Variants in MAP3K3 observed in about 807,000 individuals in gnomAD.
MAP3K3 encodes the protein mitogen-activated protein kinase kinase kinase 3.
A neutral mutation model predicts 80.9 loss-of-function variants in MAP3K3; 12 were observed. That is an observed-to-expected ratio of 0.15 (90% CI 0.10 to 0.24). MAP3K3 has a LOEUF of 0.24. Ranked by LOEUF, MAP3K3 falls within the 10% of genes least tolerant of loss-of-function variation. MAP3K3 has a pLI of 1.00. For synonymous variants in MAP3K3, 272 were observed against 307.1 expected (o/e 0.89, Z 1.19); for missense variants, 596 against 834.7 (o/e 0.71, Z 3.52).
intron 2 of MAP3K3, among the ~76,000 whole-genome samples, chr17:63,639,415 A>G (rs959602344): frequency 4.6e-5 from 7 of 152,214 alleles, no homozygotes; most frequent in Non-Finnish European, 8.8e-5. Context: ...AAACAGTGTG[A>G]GATGATCAGG....
intron 2 of MAP3K3, among the ~76,000 whole-genome samples, chr17:63,638,029 GA>G (rs371150816): frequency 2.2e-4 from 33 of 152,284 alleles, no homozygotes; most frequent in African/African-American, 7.9e-4. Context: ...CAGTGTGAAA[GA>G]CCTGGCTCTT....
chr17:63,642,272 C>T (rs1018996336), intron 2 of MAP3K3, among the ~76,000 whole-genome samples: 1 of 152,168 alleles, frequency 6.6e-6, no homozygotes, highest in East Asian at 1.9e-4. Flanking sequence ...TCATGTAGAG[C>T]AGTGCTTAGG....
rs1423775592 is a variant in MAP3K3 at position 63,640,878 on chromosome 17, C to T, written c.127-5156C>T. 2.0e-5 allele frequency among the ~76,000 whole-genome samples: 3 copies of T among 152,166 alleles called. No individual in the cohort carries two copies. In the East Asian group the frequency reaches 5.8e-4, roughly 29 times the overall value. On this transcript the variant is annotated intron_variant, in intron 2 of 15. Transcript: ENST00000361733. The stretch of plus-strand genomic sequence containing the variant: ...CAGAACTAGGGACAAACCCCCCAAA[C>T]TAACTTTTAAGAGGTCCAGGAAATA...
chr17:63,691,697 C>A lies in MAP3K3; in HGVS notation c.1345-36C>A, dbSNP rs774161839. On this transcript the variant is annotated intron_variant, in intron 13 of 15. Coordinates refer to ENST00000361733, the MANE Select transcript of MAP3K3 (RefSeq NM_002401.5). The surrounding 1 kb of genome is among the most constrained non-coding windows in gnomAD (Gnocchi z 4.8). ...GGGCTTGCCCCTCCACCAGCCCTCC[C>A]CTGAGGGGACTCCTCTGACTTCTTG... 1.9e-6 allele frequency: 3 copies of A among 1,604,448 alleles called. No individual in the cohort carries two copies. The South Asian group carries it at 3.3e-5, about 18-fold the overall frequency.
At chr17:63,673,615 C>T (rs2035155183) in intron 6 of MAP3K3, among the ~76,000 whole-genome samples, 1 of 152,146 alleles carries the variant, frequency 6.6e-6, no homozygotes, top group South Asian at 2.1e-4. Context: ...CAAGCCTCAA[C>T]TAAAGGACTT....
At chr17:63,670,616 A>G (rs2035088295) in intron 6 of MAP3K3, among the ~76,000 whole-genome samples, 1 of 151,578 alleles carries the variant, frequency 6.6e-6, no homozygotes, top group South Asian at 2.1e-4. Flanking sequence ...AAAGAAAGAA[A>G]GAAAGAAATG....
chr17:63,624,561 T>C (rs1299018437), intron 1 of MAP3K3, among the ~76,000 whole-genome samples: 1 of 152,172 alleles, frequency 6.6e-6, no homozygotes, highest in Non-Finnish European at 1.5e-5. Context: ...GGAAGGAAAC[T>C]ATATAGGCTG....
At chr17:63,688,969 G>A (rs960453785) in intron 10 of MAP3K3, 88 bp downstream of exon 10, 7 of 905,300 alleles carry the variant, frequency 7.7e-6, no homozygotes, top group Admixed American at 2.0e-5. Flanking sequence ...TGCAGTGCCT[G>A]TATTTTCCTT....
At chr17:63,645,081 T>C (rs1482197644) in intron 2 of MAP3K3, among the ~76,000 whole-genome samples, 1 of 152,262 alleles carries the variant, frequency 6.6e-6, no homozygotes, top group Admixed American at 6.5e-5. Context: ...TTATTTCTCA[T>C]ATTTATACTT....
At chr17:63,679,163 G>T (rs905246505) in intron 6 of MAP3K3, among the ~76,000 whole-genome samples, 6 of 152,302 alleles carry the variant, frequency 3.9e-5, no homozygotes, top group African/African-American at 1.4e-4. Flanking sequence ...CACTTTGGGA[G>T]GCCAAGGCTT....
chr17:63,637,880 G>T (rs796718858), intron 2 of MAP3K3, among the ~76,000 whole-genome samples: 26 of 152,280 alleles, frequency 1.7e-4, no homozygotes, highest in African/African-American at 6.3e-4. Flanking sequence ...TCATGAGTGG[G>T]TGCTTCAGAA....
At chr17:63,677,670 C>T (rs553813257) in intron 6 of MAP3K3, among the ~76,000 whole-genome samples, 9 of 152,162 alleles carry the variant, frequency 5.9e-5, no homozygotes, top group Non-Finnish European at 1.2e-4. Context: ...CCTCTGACTC[C>T]CAAATGACCA....
At chr17:63,684,218 T>C (rs150992831) in intron 7 of MAP3K3, among the ~76,000 whole-genome samples, 5 of 152,310 alleles carry the variant, frequency 3.3e-5, no homozygotes, top group Non-Finnish European at 7.4e-5. Context: ...ATAAAGAACG[T>C]CATTTTTTAC....
At chr17:63,672,633 A>C (rs1316009852) in intron 6 of MAP3K3, among the ~76,000 whole-genome samples, 2 of 152,180 alleles carry the variant, frequency 1.3e-5, no homozygotes, top group Non-Finnish European at 2.9e-5. Flanking sequence ...CTATAGAATG[A>C]GAAGAAAAGA....
intron 2 of MAP3K3, among the ~76,000 whole-genome samples, chr17:63,637,476 G>C (rs1270031230): frequency 6.6e-6 from 1 of 152,184 alleles, no homozygotes. Flanking sequence ...AATACTCACT[G>C]TGTCTACCTC....
At chr17:63,647,135 C>G (rs2034556371) in intron 3 of MAP3K3, among the ~76,000 whole-genome samples, 1 of 152,146 alleles carries the variant, frequency 6.6e-6, no homozygotes, top group Non-Finnish European at 1.5e-5. Context: ...CTACTATTCT[C>G]CCTTTAAAAT....
chr17:63,637,459 T>A (rs1198302757), intron 2 of MAP3K3, among the ~76,000 whole-genome samples: 1 of 152,228 alleles, frequency 6.6e-6, no homozygotes, highest in East Asian at 1.9e-4. Context: ...ATCTGAAATA[T>A]AGACTTAATA....
chr17:63,684,643 T>C (rs1436985213), intron 7 of MAP3K3, among the ~76,000 whole-genome samples: 1 of 152,196 alleles, frequency 6.6e-6, no homozygotes, highest in Non-Finnish European at 1.5e-5. Flanking sequence ...CCCTATGTAA[T>C]TTTTTAAAAT....
intron 3 of MAP3K3, among the ~76,000 whole-genome samples, chr17:63,648,629 AT>A (rs1381904682): frequency 1.3e-5 from 2 of 151,950 alleles, no homozygotes; most frequent in African/African-American, 4.8e-5. Context: ...TTCGAGACCA[AT>A]ATGGTGAAAC....
Sources: allele counts gnomAD v4.1 joint callset (sites outside exome capture counted in the v4.1 genomes callset), GRCh38; gene constraint gnomAD v4.1.1; non-coding constraint Gnocchi (gnomAD v3.1); transcripts MANE v1.5; gene names NCBI Gene and HGNC (gene_info 2026-07-23, HGNC 2026-07-21).